The following CLTRN variants were observed in gnomAD, a reference collection of about 807,000 sequenced individuals.
The protein encoded by CLTRN is collectrin.
In CLTRN, 12 loss-of-function variants were observed where a neutral mutation model predicts 14.5. The observed-to-expected ratio is 0.83, with a 90% confidence interval of 0.53 to 1.34. The LOEUF is 1.34. CLTRN is among the 40% of genes most tolerant of loss of function. CLTRN has a pLI of 0.00. For missense variants in CLTRN, 154 were observed against 165.1 expected (o/e 0.93, Z 0.37); for synonymous variants, 58 against 56.5 (o/e 1.03, Z -0.12).
At chrX:15,640,139 G>A (rs1340284589) in intron 4 of CLTRN, among the ~76,000 whole-genome samples, 1 of 111,849 alleles carries the variant, frequency 8.9e-6, no homozygotes, top group Non-Finnish European at 1.9e-5. Context: ...GAGCTAGGGG[G>A]TGGCGGGGAA....
At chrX:15,674,775 C>G (rs764500392) in intron 1 of CLTRN, among the ~76,000 whole-genome samples, 44 of 112,959 alleles carry the variant, frequency 3.9e-4, no homozygotes, top group African/African-American at 1.3e-3. Flanking sequence ...GCGCAGAGAG[C>G]GTGCAACTGG....
At chrX:15,644,844 T>G in intron 4 of CLTRN, 72 bp downstream of exon 4, 1 of 639,789 alleles carries the variant, frequency 1.6e-6, no homozygotes, top group South Asian at 3.1e-5. Context: ...CTCTTCAATA[T>G]CTATTTTTAA....
At chrX:15,644,220 G>A (rs772774369) in intron 4 of CLTRN, among the ~76,000 whole-genome samples, 1 of 111,776 alleles carries the variant, frequency 8.9e-6, no homozygotes, top group African/African-American at 3.3e-5. Context: ...ACCTTTCTAG[G>A]CAATTTCCAT....
intron 2 of CLTRN, among the ~76,000 whole-genome samples, chrX:15,659,798 C>A (rs902237353): frequency 9.0e-6 from 1 of 111,654 alleles, no homozygotes; most frequent in Admixed American, 9.5e-5. Context: ...ACAGATCCTT[C>A]CTTCACAGCC....
At chrX:15,646,635 C>G in intron 3 of CLTRN, 1 of 341,990 alleles carries the variant, frequency 2.9e-6, no homozygotes, top group South Asian at 2.6e-5. Flanking sequence ...CATCCGCATC[C>G]GGAGAGAGAT....
At chrX:15,650,094 G>C (rs772925668) in intron 3 of CLTRN, among the ~76,000 whole-genome samples, 2 of 98,076 alleles carry the variant, frequency 2.0e-5, no homozygotes, top group African/African-American at 3.8e-5. Context: ...CTACATACTA[G>C]ATGCCAGTAG....
At chrX:15,635,649 TTAAACCTAAGACC>T (rs1223486365) in intron 5 of CLTRN, among the ~76,000 whole-genome samples, 1 of 111,493 alleles carries the variant, frequency 9.0e-6, no homozygotes, top group Non-Finnish European at 1.9e-5. Flanking sequence ...GATTAAAGAC[TTAAACCTAAGACC>T]TGAAACTATA....
chrX:15,669,822 T>A (rs748786503), intron 1 of CLTRN, among the ~76,000 whole-genome samples: 4 of 112,157 alleles, frequency 3.6e-5, no homozygotes, highest in Non-Finnish European at 5.6e-5. Context: ...AATATATAGC[T>A]CCTAAAATTA....
At chrX:15,639,534 T>C in intron 5 of CLTRN, 28 bp downstream of exon 5, 1 of 1,168,961 alleles carries the variant, frequency 8.6e-7, no homozygotes, top group African/African-American at 1.8e-5. Context: ...GAAAATGCTC[T>C]TTCAATCACT....
chrX:15,667,402 T>A (rs940914400), upstream of CLTRN, among the ~76,000 whole-genome samples: 1 of 112,479 alleles, frequency 8.9e-6, no homozygotes, highest in African/African-American at 3.2e-5. Context: ...GTGTAAGTCA[T>A]TCATTTGAGA....
intron 5 of CLTRN, among the ~76,000 whole-genome samples, chrX:15,629,248 C>A (rs1372108576): frequency 2.7e-5 from 3 of 110,886 alleles, no homozygotes; most frequent in Non-Finnish European, 5.7e-5. Context: ...GCAGTGGTGA[C>A]CAGGTAGAGT....
chrX:15,670,457 T>C (rs1929697483), intron 1 of CLTRN, among the ~76,000 whole-genome samples: 1 of 111,065 alleles, frequency 9.0e-6, no homozygotes, highest in South Asian at 3.8e-4. Flanking sequence ...TAAATTGTAA[T>C]GAAATGGATA....
At chrX:15,658,056 G>C (rs760483634) in intron 3 of CLTRN, among the ~76,000 whole-genome samples, 25 of 111,444 alleles carry the variant, frequency 2.2e-4, no homozygotes, top group Non-Finnish European at 4.5e-4. Context: ...TTGTACAGAT[G>C]GGAGACCAAA....
At chrX:15,657,280 G>A (rs890457773) in intron 3 of CLTRN, among the ~76,000 whole-genome samples, 3 of 112,485 alleles carry the variant, frequency 2.7e-5, no homozygotes, top group South Asian at 3.7e-4. Context: ...GATTGGAGGC[G>A]TGAGCCACTG....
intron 1 of CLTRN, among the ~76,000 whole-genome samples, chrX:15,673,348 T>C (rs1929752956): frequency 8.9e-6 from 1 of 112,477 alleles, no homozygotes; most frequent in Non-Finnish European, 1.9e-5. Flanking sequence ...TACCATTGGC[T>C]ACATTATTTA....
intron 1 of CLTRN, chrX:15,674,879 G>A (rs1929794939): frequency 1.8e-5 from 2 of 113,896 alleles, no homozygotes; most frequent in Non-Finnish European, 3.7e-5. Context: ...GCATGCGCAG[G>A]ATGCGAGTGG....
chrX:15,648,003 G>A, intron 3 of CLTRN, among the ~76,000 whole-genome samples: 1 of 85,278 alleles, frequency 1.2e-5, no homozygotes, highest in East Asian at 3.6e-4. Context: ...TAATACCAAG[G>A]GCTGGTAAAG....
chrX:15,636,201 T>C (rs942835026), intron 5 of CLTRN, among the ~76,000 whole-genome samples: 4 of 112,519 alleles, frequency 3.6e-5, no homozygotes, highest in African/African-American at 1.3e-4. Flanking sequence ...TCTGGGTATA[T>C]ACCCAAAAGA....
At chrX:15,642,833 C>T (rs1170623359) in intron 4 of CLTRN, among the ~76,000 whole-genome samples, 1 of 110,968 alleles carries the variant, frequency 9.0e-6, no homozygotes, top group Non-Finnish European at 1.9e-5. Context: ...TGGCTCATGC[C>T]TGTAATCCCA....
Sources: gnomAD v4.1 joint callset for allele counts (sites outside exome capture counted in the v4.1 genomes callset) on GRCh38, gnomAD v4.1.1 for gene constraint, MANE v1.5 for transcripts, NCBI Gene and HGNC (gene_info 2026-07-23, HGNC 2026-07-21) for gene names.